CNTNAP2: variants seen among roughly 807,000 people sequenced by gnomAD.
The protein encoded by CNTNAP2 is contactin-associated protein-like 2.
CNTNAP2 carries 98 observed loss-of-function variants against 155.2 expected under a neutral mutation model. The ratio of observed to expected loss-of-function variants is 0.63; its 90% CI spans 0.54 to 0.75. The LOEUF (loss-of-function observed/expected upper bound fraction) is 0.75, where lower values mean the gene tolerates loss of function less well. Among genes scored for constraint, CNTNAP2 ranks in the 30% least tolerant of loss-of-function variants. The pLI, the probability that CNTNAP2 is intolerant of heterozygous loss-of-function variation, is 0.00. For missense variants in CNTNAP2, 1,727 were observed against 1,688.1 expected (o/e 1.02, Z -0.40); for synonymous variants, 651 against 631.2 (o/e 1.03, Z -0.47).
At chr7:148,200,709 T>C (rs2116730723) in intron 18 of CNTNAP2, among the ~76,000 whole-genome samples, 1 of 152,320 alleles carries the variant, frequency 6.6e-6, no homozygotes, top group Admixed American at 6.5e-5. Flanking sequence ...AAATGCTAAA[T>C]TGCTTTTTTA....
intron 13 of CNTNAP2, among the ~76,000 whole-genome samples, chr7:147,642,038 T>G (rs1018238522): frequency 2.7e-5 from 4 of 149,702 alleles, no homozygotes; most frequent in African/African-American, 7.4e-5. Context: ...GTGTTTTAAC[T>G]GGATTCTGTT....
intron 13 of CNTNAP2, among the ~76,000 whole-genome samples, chr7:147,781,195 A>G (rs780589388): frequency 7.9e-5 from 12 of 152,150 alleles, no homozygotes; most frequent in Non-Finnish European, 1.2e-4. Context: ...CATTTTTCTA[A>G]TATTAGAGGA....
intron 8 of CNTNAP2, among the ~76,000 whole-genome samples, chr7:147,287,352 G>C (rs1480883510): frequency 6.6e-6 from 1 of 152,032 alleles, no homozygotes; most frequent in African/African-American, 2.4e-5. Flanking sequence ...TCAGAGCAGG[G>C]GGAGTAGGAA....
At chr7:147,010,457 C>T (rs914959403) in intron 3 of CNTNAP2, among the ~76,000 whole-genome samples, 5 of 151,460 alleles carry the variant, frequency 3.3e-5, no homozygotes, top group Admixed American at 6.6e-5. Context: ...AAACAAGACA[C>T]GTATATATGA....
intron 1 of CNTNAP2, among the ~76,000 whole-genome samples, chr7:146,574,376 G>A (rs915402175): frequency 5.9e-5 from 9 of 152,094 alleles, no homozygotes; most frequent in African/African-American, 2.2e-4. Flanking sequence ...AGTCAGGCAT[G>A]CAATATTAAT....
chr7:146,251,905 G>T (rs1799762192), intron 1 of CNTNAP2, among the ~76,000 whole-genome samples: 2 of 152,172 alleles, frequency 1.3e-5, no homozygotes, highest in African/African-American at 2.4e-5. Flanking sequence ...TTCTTTATCA[G>T]TCAGCTTTTG....
intron 18 of CNTNAP2, among the ~76,000 whole-genome samples, chr7:148,182,671 T>C (rs1181455293): frequency 1.3e-5 from 2 of 152,216 alleles, no homozygotes; most frequent in Non-Finnish European, 2.9e-5. Flanking sequence ...TACAAGAGTG[T>C]TTGATTTAGA....
At chr7:148,046,758 T>G (rs1802782331) in intron 15 of CNTNAP2, among the ~76,000 whole-genome samples, 2 of 152,234 alleles carry the variant, frequency 1.3e-5, no homozygotes, top group South Asian at 4.1e-4. Flanking sequence ...GCAGGAAATA[T>G]TCTAAAAATA....
chr7:146,722,968 T>C (rs1389462023), intron 1 of CNTNAP2, among the ~76,000 whole-genome samples: 2 of 152,108 alleles, frequency 1.3e-5, no homozygotes, highest in East Asian at 3.9e-4. Flanking sequence ...TGAGCCAAGA[T>C]TGTGCCACTG....
intron 1 of CNTNAP2, among the ~76,000 whole-genome samples, chr7:146,258,075 A>G (rs1162285948): frequency 1.3e-5 from 2 of 152,082 alleles, no homozygotes; most frequent in African/African-American, 4.8e-5. Flanking sequence ...TATTTTCAGT[A>G]GAGACAGGGT....
intron 1 of CNTNAP2, among the ~76,000 whole-genome samples, chr7:146,438,630 A>G (rs1270799994): frequency 1.3e-5 from 2 of 151,554 alleles, no homozygotes; most frequent in African/African-American, 4.9e-5. Context: ...TAATACTACT[A>G]AGAGTTTCTT....
At chr7:148,078,166 C>A (rs906491068) in intron 15 of CNTNAP2, among the ~76,000 whole-genome samples, 7 of 151,884 alleles carry the variant, frequency 4.6e-5, no homozygotes, top group African/African-American at 1.5e-4. Flanking sequence ...TGGGTTCAAG[C>A]GATTCTCATG....
chr7:147,583,531 T>TATATATATATATATATATATAA (rs1280154794), intron 12 of CNTNAP2, among the ~76,000 whole-genome samples: 30 of 140,604 alleles, frequency 2.1e-4, no homozygotes, highest in African/African-American at 7.4e-4. Context: ...TATATATATA[T>TATATATATATATATATATATAA]AATGTCAAAC....
chr7:147,198,473 C>A (rs1033936425), intron 8 of CNTNAP2, among the ~76,000 whole-genome samples: 1 of 152,140 alleles, frequency 6.6e-6, no homozygotes, highest in African/African-American at 2.4e-5. Context: ...CTCAGGCGAT[C>A]CACCCACCTC....
At chr7:146,876,836 A>G (rs543159768) in intron 3 of CNTNAP2, among the ~76,000 whole-genome samples, 2 of 152,298 alleles carry the variant, frequency 1.3e-5, no homozygotes, top group Non-Finnish European at 2.9e-5. Flanking sequence ...GAAGGCTCAG[A>G]AAAGACTGGA....
At chr7:147,592,981 T>C (rs939605973) in intron 12 of CNTNAP2, among the ~76,000 whole-genome samples, 1 of 152,196 alleles carries the variant, frequency 6.6e-6, no homozygotes, top group African/African-American at 2.4e-5. Flanking sequence ...GGCAAAGACT[T>C]GAAAAACAAG....
At chr7:146,845,950 A>C (rs758613520) in intron 3 of CNTNAP2, among the ~76,000 whole-genome samples, 1 of 152,212 alleles carries the variant, frequency 6.6e-6, no homozygotes, top group Non-Finnish European at 1.5e-5. Flanking sequence ...CTTTCTTTTC[A>C]GCCATTTGTT....
At chr7:146,751,509 C>A (rs1247737185) in intron 1 of CNTNAP2, among the ~76,000 whole-genome samples, 2 of 152,076 alleles carry the variant, frequency 1.3e-5, no homozygotes, top group South Asian at 4.2e-4. Context: ...CTAAGTGATT[C>A]CTAAGTTTTT....
At chr7:147,819,433 T>G (rs1798327485) in intron 13 of CNTNAP2, among the ~76,000 whole-genome samples, 1 of 152,178 alleles carries the variant, frequency 6.6e-6, no homozygotes, top group Non-Finnish European at 1.5e-5. Flanking sequence ...TAATGAATTC[T>G]GTATTCCAGA....
Sources: allele counts gnomAD v4.1 joint callset (sites outside exome capture counted in the v4.1 genomes callset), GRCh38; gene constraint gnomAD v4.1.1; transcripts MANE v1.5; gene names NCBI Gene and HGNC (gene_info 2026-07-23, HGNC 2026-07-21).